MYBL1: variants seen among roughly 807,000 people sequenced by gnomAD.
MYBL1 encodes the protein myb-related protein A.
A neutral mutation model predicts 96.3 loss-of-function variants in MYBL1; 17 were observed. The observed-to-expected ratio is 0.18, with a 90% CI of 0.12 to 0.26. The LOEUF (loss-of-function observed/expected upper bound fraction) is 0.26. Among genes scored for constraint, MYBL1 ranks in the 10% least tolerant of loss-of-function variants. MYBL1 has a pLI of 1.00. For missense variants in MYBL1, 701 were observed against 882.9 expected (o/e 0.79, Z 2.61); for synonymous variants, 282 against 292.7 (o/e 0.96, Z 0.37).
intron 8 of MYBL1, among the ~76,000 whole-genome samples, chr8:66,590,965 T>C (rs1057422989): frequency 3.9e-5 from 6 of 152,184 alleles, no homozygotes; most frequent in African/African-American, 1.2e-4. Context: ...ATGATAGATA[T>C]GCTAATTACC....
intron 9 of MYBL1, among the ~76,000 whole-genome samples, chr8:66,578,302 A>C (rs1443619044): frequency 2.0e-5 from 3 of 150,202 alleles, no homozygotes; most frequent in South Asian, 2.1e-4. Flanking sequence ...CAACCTACAA[A>C]ATGGGAGAAA....
chr8:66,566,854 A>G (rs1465886471), intron 13 of MYBL1, 22 bp downstream of exon 13: 3 of 1,593,162 alleles, frequency 1.9e-6, no homozygotes, highest in African/African-American at 2.7e-5. Context: ...GACTTTTATT[A>G]ACAATAATAC....
chr8:66,610,439 A>G (rs776214043), intron 1 of MYBL1, among the ~76,000 whole-genome samples: 2 of 151,640 alleles, frequency 1.3e-5, no homozygotes, highest in African/African-American at 2.4e-5. Flanking sequence ...TAGGAAACAT[A>G]TATTACAGGA....
intron 15 of MYBL1, 87 bp from the exon 16 acceptor site, chr8:66,564,912 CTGA>C: frequency 1.3e-6 from 1 of 784,516 alleles, no homozygotes; most frequent in East Asian, 3.2e-5. Flanking sequence ...GTTATTTTAA[CTGA>C]TTAGATATTT....
chr8:66,567,701 T>C (rs1808560582), intron 12 of MYBL1, among the ~76,000 whole-genome samples: 2 of 152,208 alleles, frequency 1.3e-5, no homozygotes, highest in Non-Finnish European at 2.9e-5. Context: ...ATCTAACTTA[T>C]ACCTTTCATA....
chr8:66,602,360 T>C (rs1586596983), intron 2 of MYBL1, 58 bp downstream of exon 2: 4 of 1,222,714 alleles, frequency 3.3e-6, no homozygotes, highest in South Asian at 1.4e-5. Flanking sequence ...CGTATAACTA[T>C]AGCAGTATTA....
chr8:66,592,482 A>G lies in MYBL1; in HGVS notation c.825T>C (p.Leu275=). Reference sequence around the variant, plus strand: ...TTCTAACTTCATTCTCAGCTGACATAAGAAGCATCTCAAGTTCCTTTATTT... The same window carrying G: ...TTCTAACTTCATTCTCAGCTGACATGAGAAGCATCTCAAGTTCCTTTATTT... ...EKKIKELEML[L]MSAENEVRRK... Residue 275 remains leucine, a synonymous_variant, in exon 8 of 16, where the codon CTT becomes CTC. Coordinates refer to ENST00000522677, the MANE Select transcript of MYBL1 (RefSeq NM_001080416.4). The G allele has an allele frequency of 6.2e-7, 1 of 1,603,526 alleles. No homozygotes were observed. Among genetic ancestry groups the G allele is most frequent in the Non-Finnish European group, 8.5e-7 (1 of 1,178,346 alleles).
chr8:66,597,763 C>G (rs1055267742), intron 4 of MYBL1, among the ~76,000 whole-genome samples: 2 of 145,498 alleles, frequency 1.4e-5, no homozygotes, highest in Non-Finnish European at 3.0e-5. Context: ...ATTAAAGACT[C>G]TTGAAATTCA....
chr8:66,568,228 A>G (rs1808588337), intron 12 of MYBL1, among the ~76,000 whole-genome samples: 1 of 152,182 alleles, frequency 6.6e-6, no homozygotes, highest in Non-Finnish European at 1.5e-5. Flanking sequence ...TGAGACATAC[A>G]GGAATTATGT....
chr8:66,607,699 CA>C (rs542129633), intron 1 of MYBL1, among the ~76,000 whole-genome samples: 6,369 of 117,658 alleles, frequency 0.054, 126 homozygotes, highest in Non-Finnish European at 0.07. Flanking sequence ...TTTCAAAACC[CA>C]AAAAAAAAAA....
intron 6 of MYBL1, among the ~76,000 whole-genome samples, chr8:66,594,008 C>T (rs1289635046): frequency 2.0e-5 from 3 of 151,806 alleles, no homozygotes; most frequent in Non-Finnish European, 4.4e-5. Flanking sequence ...TAGTGGAGCA[C>T]GCCTGTAGTC....
intron 5 of MYBL1, among the ~76,000 whole-genome samples, chr8:66,596,640 G>C (rs561742194): frequency 1.8e-4 from 28 of 152,190 alleles, no homozygotes; most frequent in African/African-American, 6.7e-4. Flanking sequence ...AAGAATACAT[G>C]AAAAAGCACT....
At chr8:66,596,064 G>A (rs528735615) in intron 5 of MYBL1, among the ~76,000 whole-genome samples, 2 of 152,128 alleles carry the variant, frequency 1.3e-5, no homozygotes, top group Non-Finnish European at 2.9e-5. Flanking sequence ...GGGAAGGAAG[G>A]AAGAATAGAA....
At position 66,580,223 on chromosome 8, in the gene MYBL1, G is replaced by A. The variant is rs371748100; in HGVS notation, c.1011C>T (p.Pro337=). 5.3e-5 allele frequency: 86 copies of A among 1,613,912 alleles called. No individual in the cohort carries two copies. The African/African-American group carries it at 1.1e-3, about 21-fold the overall frequency. ...TTGCCTCCACGGCCAGGAACTTTGT[G>A]GGTGAATTCTGCTGAGCAGACACAG... ...NQPVSAQQNS[P]TKFLAVEANA... is the part of the protein sequence containing the mutation. The change falls in exon 9 of 16, where the codon CCC becomes CCT. Residue 337 remains proline, a synonymous_variant. Transcript: ENST00000522677.
chr8:66,612,927 T>TA lies in MYBL1; in HGVS notation c.-90dup. On this transcript the variant is annotated 5_prime_UTR_variant, in exon 1 of 16. Transcript: ENST00000522677. Reference sequence around the variant, plus strand: ...CGAATGCTCCTTCTCCCCGATCCTCTAGCCGCTTCCCTCGCTCCCTCTGGA... The same window carrying TA: ...CGAATGCTCCTTCTCCCCGATCCTCTAAGCCGCTTCCCTCGCTCCCTCTGGA... The TA allele has an allele frequency of 7.8e-7, 1 of 1,280,582 alleles. No individual in the cohort carries two copies. The allele number at this position is 1,280,582 out of a possible 1,614,324, so 79.3% of individuals were successfully genotyped here. A position where few individuals can be genotyped will look rare whatever the true frequency, so the allele number is the denominator to read the frequency against.
chr8:66,587,058 G>T (rs1809448523), intron 8 of MYBL1, among the ~76,000 whole-genome samples: 2 of 152,150 alleles, frequency 1.3e-5, no homozygotes, highest in South Asian at 4.1e-4. Context: ...AGGAAGGGAA[G>T]CGGAGAAGGG....
intron 6 of MYBL1, among the ~76,000 whole-genome samples, chr8:66,593,908 G>T (rs1376022428): frequency 6.6e-6 from 1 of 152,068 alleles, no homozygotes; most frequent in Non-Finnish European, 1.5e-5. Flanking sequence ...GGCTGAGGGG[G>T]TATGGTCGCT....
intron 4 of MYBL1, 145 bp downstream of exon 4, chr8:66,598,905 C>T (rs1430693504): frequency 2.3e-6 from 1 of 429,014 alleles, no homozygotes; most frequent in Admixed American, 4.5e-5. Context: ...TTTCCAGACA[C>T]TTAACATTCA....
At chr8:66,610,200 GAT>G (rs1248391362) in intron 1 of MYBL1, among the ~76,000 whole-genome samples, 1 of 151,984 alleles carries the variant, frequency 6.6e-6, no homozygotes, top group Non-Finnish European at 1.5e-5. Flanking sequence ...GTTAGTAACA[GAT>G]ATATTAATTT....
Sources: gnomAD v4.1 joint callset for allele counts (sites outside exome capture counted in the v4.1 genomes callset) on GRCh38, gnomAD v4.1.1 for gene constraint, MANE v1.5 for transcripts, NCBI Gene and HGNC (gene_info 2026-07-23, HGNC 2026-07-21) for gene names.